MROH1: variants seen among roughly 807,000 people sequenced by gnomAD.
MROH1 encodes maestro heat like repeat family member 1, also known as maestro heat-like repeat-containing protein family member 1.
A neutral mutation model predicts 116.5 loss-of-function variants in MROH1; 117 were observed. The ratio of observed to expected loss-of-function variants is 1.00; its 90% CI spans 0.86 to 1.17. The LOEUF is 1.17. Among genes scored for constraint, MROH1 ranks in the 50% most tolerant of loss-of-function variants. The pLI is 0.00. For synonymous variants in MROH1, 921 were observed against 583.9 expected, an observed-to-expected ratio of 1.58 and a Z score of -8.32; for missense variants, 1,873 against 1,338.5, an observed-to-expected ratio of 1.40 and a Z score of -6.23.
intron 12 of MROH1, among the ~76,000 whole-genome samples, chr8:144,219,261 A>G (rs990976840): frequency 6.6e-6 from 1 of 152,042 alleles, no homozygotes; most frequent in Admixed American, 6.6e-5. Flanking sequence ...TGACCTCGTG[A>G]TCCGCCCGTC....
At chr8:144,241,352 G>A (rs1234361273) in intron 21 of MROH1, 43 bp from the exon 22 acceptor site, 4 of 740,734 alleles carry the variant, frequency 5.4e-6, no homozygotes, top group African/African-American at 1.7e-5. Context: ...ATGTGTGGCA[G>A]TGCGTGCTCT....
chr8:144,236,510 G>T (rs948959956), intron 14 of MROH1, among the ~76,000 whole-genome samples: 1 of 152,138 alleles, frequency 6.6e-6, no homozygotes. Flanking sequence ...GGAGGCCGAG[G>T]TGGGTGGATC....
chr8:144,244,971 C>A (rs1186780765), intron 28 of MROH1, among the ~76,000 whole-genome samples, 185 bp from the exon 29 acceptor site: 1 of 152,196 alleles, frequency 6.6e-6, no homozygotes, highest in East Asian at 1.9e-4. Flanking sequence ...GACTGGAGGA[C>A]AGAGTGGCAG....
intron 7 of MROH1, among the ~76,000 whole-genome samples, chr8:144,184,744 A>G (rs1436781911): frequency 2.6e-5 from 4 of 152,066 alleles, no homozygotes; most frequent in Non-Finnish European, 2.9e-5. Flanking sequence ...CTGGCCGAGC[A>G]CCCCCAGCTA....
At chr8:144,217,070 T>A (rs2132264117) in intron 12 of MROH1, among the ~76,000 whole-genome samples, 1 of 152,290 alleles carries the variant, frequency 6.6e-6, no homozygotes, top group South Asian at 2.1e-4. Context: ...CAGTAATCCC[T>A]GCGTTTTCGG....
At chr8:144,239,907 G>T (rs937175689) in intron 18 of MROH1, among the ~76,000 whole-genome samples, 152 bp downstream of exon 18, 1 of 152,154 alleles carries the variant, frequency 6.6e-6, no homozygotes, top group Non-Finnish European at 1.5e-5. Context: ...AGTCTCCCCT[G>T]TTGTCCAAGA....
chr8:144,227,547 A>AGGCAGGAAGATCACTGGAGCCTGG (rs1401331267), intron 14 of MROH1, among the ~76,000 whole-genome samples: 1 of 152,154 alleles, frequency 6.6e-6, no homozygotes, highest in Non-Finnish European at 1.5e-5. Flanking sequence ...CTGGAGGCTG[A>AGGCAGGAAGATCACTGGAGCCTGG]GGCAGGAAGA....
chr8:144,199,757 C>T (rs1345978508), intron 11 of MROH1, among the ~76,000 whole-genome samples: 1 of 135,714 alleles, frequency 7.4e-6, no homozygotes, highest in Non-Finnish European at 1.5e-5. Context: ...TCAACATCTC[C>T]CTGGAGCTGG....
chr8:144,248,824 T>C (rs1033366488), intron 31 of MROH1, 53 bp from the exon 32 acceptor site: 3 of 763,462 alleles, frequency 3.9e-6, no homozygotes, highest in Non-Finnish European at 7.3e-6. Flanking sequence ...CTAACAGAAG[T>C]GGCGTTGGGG....
intron 12 of MROH1, chr8:144,213,185 C>T (rs1027697927): frequency 6.1e-5 from 44 of 724,656 alleles, no homozygotes; most frequent in Middle Eastern, 3.5e-4. Flanking sequence ...GTTCTGCGGG[C>T]GACTGCCCAT....
chr8:144,196,399 C>T (rs533312727), intron 10 of MROH1, among the ~76,000 whole-genome samples: 24 of 151,870 alleles, frequency 1.6e-4, no homozygotes, highest in Admixed American at 4.6e-4. Flanking sequence ...CTCTGTTGCC[C>T]AGGCTGGAGT....
At chr8:144,236,986 A>G (rs1840149758) in intron 14 of MROH1, among the ~76,000 whole-genome samples, 1 of 136,760 alleles carries the variant, frequency 7.3e-6, no homozygotes, top group Non-Finnish European at 1.5e-5. Flanking sequence ...ACTCACTGCA[A>G]GCTCCGCCTG....
intron 12 of MROH1, among the ~76,000 whole-genome samples, chr8:144,204,079 A>G (rs747967555): frequency 3.3e-5 from 5 of 152,184 alleles, no homozygotes; most frequent in Non-Finnish European, 5.9e-5. Context: ...TATCTTAGAG[A>G]ACTTTTAACA....
At chr8:144,195,572 C>T (rs1829707637) in intron 10 of MROH1, among the ~76,000 whole-genome samples, 1 of 149,124 alleles carries the variant, frequency 6.7e-6, no homozygotes. Flanking sequence ...CAACTCCTGG[C>T]TTCAGGTGAT....
chr8:144,185,863 G>A (rs1482315932), intron 7 of MROH1, among the ~76,000 whole-genome samples: 1 of 140,628 alleles, frequency 7.1e-6, no homozygotes, highest in East Asian at 2.2e-4. Flanking sequence ...GGGGCGGTGA[G>A]GGGCAGTGCA....
chr8:144,215,193 A>G (rs985456913), intron 12 of MROH1, among the ~76,000 whole-genome samples: 3 of 152,230 alleles, frequency 2.0e-5, no homozygotes, highest in African/African-American at 7.2e-5. Context: ...TCAACCATCA[A>G]ACTTTTTAAT....
In MROH1 at chr8:144,242,621, A is replaced by G. The variant is rs1841200896; in HGVS notation, c.2345A>G (p.Glu782Gly). 1.3e-6 allele frequency: 1 copy of G among 780,042 alleles called. No individual in the cohort carries two copies. The highest frequency in any genetic ancestry group is 2.4e-6 in the Non-Finnish European group (1 of 417,628). 48.3% of individuals were successfully genotyped at this position (780,042 alleles called of 1,614,324 possible). A position where few individuals can be genotyped will look rare whatever the true frequency, so the allele number is the denominator to read the frequency against. ...GTTCAGGTTCTAGGAATAAAGGTAG[A>G]AACCAAGGTACAGTGTGTAGGAATT... is the stretch of plus-strand genomic sequence containing the variant. ...FSTKVLGIKV[E>G]TKDPALKLCL... is the part of the protein sequence containing the mutation. Residue 782 changes from glutamate to glycine, a missense_variant, in exon 24 of 44, where the codon GAA becomes GGA. Coordinates refer to ENST00000326134, the MANE Select transcript of MROH1 (RefSeq NM_032450.3).
intron 12 of MROH1, among the ~76,000 whole-genome samples, chr8:144,220,094 TA>T (rs2132356251): frequency 6.6e-6 from 1 of 152,330 alleles, no homozygotes; most frequent in African/African-American, 2.4e-5. Context: ...ATCCACTTTT[TA>T]TCCCCATTTA....
intron 7 of MROH1, among the ~76,000 whole-genome samples, chr8:144,188,279 C>G (rs1827699764): frequency 6.6e-6 from 1 of 152,038 alleles, no homozygotes; most frequent in South Asian, 2.1e-4. Flanking sequence ...ATACTTTTCT[C>G]TACTTTATAA....
Sources: gnomAD v4.1 joint callset for allele counts (sites outside exome capture counted in the v4.1 genomes callset) on GRCh38, gnomAD v4.1.1 for gene constraint, MANE v1.5 for transcripts, NCBI Gene and HGNC (gene_info 2026-07-23, HGNC 2026-07-21) for gene names.